FHOD3: variants seen among roughly 807,000 people sequenced by gnomAD.
FHOD3 encodes the protein FH1/FH2 domain-containing protein 3.
FHOD3 carries 90 observed loss-of-function variants against 173.0 expected under a neutral mutation model. The ratio of observed to expected loss-of-function variants is 0.52; its 90% confidence interval spans 0.44 to 0.62. The LOEUF (loss-of-function observed/expected upper bound fraction) is 0.62, where lower values mean the gene tolerates loss of function less well. Among genes scored for constraint, FHOD3 ranks in the 20% least tolerant of loss-of-function variants. The pLI is 0.00. For missense variants in FHOD3, 1,945 were observed against 2,034.7 expected (o/e 0.96, Z 0.85); for synonymous variants, 828 against 823.0 (o/e 1.01, Z -0.10).
Position 36,759,122 on chromosome 18 carries a change from A to G in FHOD3, c.4430A>G (p.Asp1477Gly). ...KTRGKMITDT[D>G]EEEEVESGKF... ...CTGTCCTGTCCTCTCGGGTAGACTG[A>G]TGAGGAGGAGGAAGTTGAGGTATGA... The change falls in exon 26 of 29, where the codon GAT becomes GGT. Residue 1477 changes from aspartate to glycine, a missense_variant. Physicochemically the swap from Asp to Gly is moderately conservative, Grantham distance 94. Coordinates refer to ENST00000590592, the MANE Select transcript of FHOD3 (RefSeq NM_001281740.3). 4.6e-6 allele frequency: 7 copies of G among 1,535,858 alleles called. No individual in the cohort carries two copies. Among genetic ancestry groups the G allele is most frequent in the Non-Finnish European group, 6.1e-6 (7 of 1,146,704 alleles).
At chr18:36,464,029 A>C (rs893480619) in intron 3 of FHOD3, among the ~76,000 whole-genome samples, 10 of 152,240 alleles carry the variant, frequency 6.6e-5, no homozygotes, top group African/African-American at 2.4e-4. Flanking sequence ...TAGAACAAGT[A>C]GTTTTTGCAA....
chr18:36,461,010 A>G (rs1483313545), intron 3 of FHOD3, among the ~76,000 whole-genome samples: 1 of 152,176 alleles, frequency 6.6e-6, no homozygotes, highest in Non-Finnish European at 1.5e-5. Context: ...AGCGGTGCAC[A>G]GGATGCAGGT....
chr18:36,737,893 C>T (rs546659456), intron 20 of FHOD3, among the ~76,000 whole-genome samples: 2 of 152,254 alleles, frequency 1.3e-5, no homozygotes, highest in Non-Finnish European at 2.9e-5. Flanking sequence ...ATATGGTTCT[C>T]TTGAGTTTTA....
intron 6 of FHOD3, among the ~76,000 whole-genome samples, chr18:36,592,199 A>G (rs1397552118): frequency 1.3e-5 from 2 of 152,204 alleles, no homozygotes; most frequent in African/African-American, 4.8e-5. Flanking sequence ...AGCCTGGGCA[A>G]CAGAACAAGA....
At chr18:36,430,538 A>G (rs2050482800) in intron 3 of FHOD3, among the ~76,000 whole-genome samples, 1 of 152,256 alleles carries the variant, frequency 6.6e-6, no homozygotes, top group African/African-American at 2.4e-5. Context: ...TAAAATTTTA[A>G]AAATGTTTAA....
chr18:36,437,682 T>TTTTTTTTTTTTTTAA (rs71168224), intron 3 of FHOD3, among the ~76,000 whole-genome samples: 1 of 129,618 alleles, frequency 7.7e-6, no homozygotes, highest in Admixed American at 8.2e-5. Flanking sequence ...TTTTTTTTTT[T>TTTTTTTTTTTTTTAA]AAGACAGAGT....
chr18:36,545,819 G>A (rs758962765), intron 5 of FHOD3, among the ~76,000 whole-genome samples: 1 of 152,200 alleles, frequency 6.6e-6, no homozygotes, highest in East Asian at 1.9e-4. Flanking sequence ...GTGGAAATGA[G>A]TAAAAACCTT....
chr18:36,535,347 A>C (rs750550116), intron 5 of FHOD3, among the ~76,000 whole-genome samples: 23 of 152,134 alleles, frequency 1.5e-4, no homozygotes, highest in Non-Finnish European at 3.2e-4. Context: ...CTGGTATCCC[A>C]AGGGCTGGGC....
In FHOD3 at chr18:36,763,027, TTATA is replaced by T. The variant is rs377718629; in HGVS notation, c.4624+2250_4624+2253del. On this transcript the variant is annotated intron_variant, in intron 27 of 28. Coordinates refer to ENST00000590592, the MANE Select transcript of FHOD3 (RefSeq NM_001281740.3). ...ACGTTATATATGCGTATTATACACT[TTATA>T]TATAATATGCGTATTATACACGTTA... 8.5e-4 allele frequency among the ~76,000 whole-genome samples: 111 copies of T among 130,592 alleles called. 2 individuals are homozygous for T. In the East Asian group the frequency reaches 0.017, roughly 21 times the overall value. The allele number at this position is 130,592 out of a possible 152,430, so 85.7% of individuals were successfully genotyped here.
intron 5 of FHOD3, among the ~76,000 whole-genome samples, chr18:36,543,958 A>G (rs2057321830): frequency 6.6e-6 from 1 of 152,242 alleles, no homozygotes; most frequent in Non-Finnish European, 1.5e-5. Flanking sequence ...AGTGGGGCAG[A>G]CAGTAGAGAT....
chr18:36,309,902 G>A (rs1289220738), intron 1 of FHOD3, among the ~76,000 whole-genome samples: 2 of 152,230 alleles, frequency 1.3e-5, no homozygotes, highest in Non-Finnish European at 2.9e-5. Flanking sequence ...ATCCTCTCAT[G>A]ACCCTGAAAG....
chr18:36,670,999 G>A (rs1197894326), intron 14 of FHOD3, among the ~76,000 whole-genome samples: 2 of 152,236 alleles, frequency 1.3e-5, no homozygotes, highest in African/African-American at 4.8e-5. Flanking sequence ...GTTGGGAACA[G>A]GCAGTACTCT....
chr18:36,504,765 T>A (rs964091539), intron 4 of FHOD3, among the ~76,000 whole-genome samples: 1 of 151,822 alleles, frequency 6.6e-6, no homozygotes, highest in African/African-American at 2.4e-5. Flanking sequence ...AATAAATAAA[T>A]AAATACATAA....
chr18:36,458,975 G>T (rs2052391198), intron 3 of FHOD3, among the ~76,000 whole-genome samples: 1 of 152,124 alleles, frequency 6.6e-6, no homozygotes, highest in South Asian at 2.1e-4. Context: ...CCCCTGCTTT[G>T]CCCAGGGGTG....
chr18:36,524,167 A>G (rs1344001707), intron 5 of FHOD3, among the ~76,000 whole-genome samples: 1 of 151,836 alleles, frequency 6.6e-6, no homozygotes, highest in African/African-American at 2.4e-5. Flanking sequence ...CTATAATCCC[A>G]GTTTCTCAGG....
intron 14 of FHOD3, 54 bp from the exon 15 acceptor site, chr18:36,681,382 A>C: frequency 3.1e-6 from 5 of 1,608,300 alleles, no homozygotes; most frequent in Non-Finnish European, 4.3e-6. Flanking sequence ...TGCTTACTTC[A>C]GTACTTTTAA....
chr18:36,597,805 T>TG (rs1337526506), intron 7 of FHOD3, among the ~76,000 whole-genome samples: 1 of 136,340 alleles, frequency 7.3e-6, no homozygotes, highest in Non-Finnish European at 1.6e-5. Context: ...CACTAGCAGC[T>TG]GAAAAAAAAA....
chr18:36,533,444 C>A (rs1452460315), intron 5 of FHOD3, among the ~76,000 whole-genome samples: 1 of 152,234 alleles, frequency 6.6e-6, no homozygotes, highest in East Asian at 1.9e-4. Flanking sequence ...AAGGGGCATG[C>A]TGCTGAAGCA....
intron 1 of FHOD3, among the ~76,000 whole-genome samples, chr18:36,336,602 C>T (rs866115432): frequency 9.9e-5 from 15 of 151,448 alleles, no homozygotes; most frequent in Admixed American, 2.6e-4. Flanking sequence ...TTTGGGAGTC[C>T]GAGGCGGGCA....
Sources: gnomAD v4.1 joint callset for allele counts (sites outside exome capture counted in the v4.1 genomes callset) on GRCh38, gnomAD v4.1.1 for gene constraint, MANE v1.5 for transcripts, NCBI Gene and HGNC (gene_info 2026-07-23, HGNC 2026-07-21) for gene names.